EXOC6: variants seen among roughly 807,000 people sequenced by gnomAD.
The protein encoded by EXOC6 is exocyst complex component 6, also known as SEC15-like 1.
EXOC6 carries 60 observed loss-of-function variants against 112.5 expected under a neutral mutation model. The observed-to-expected ratio is 0.53, with a 90% CI of 0.43 to 0.66. The LOEUF is 0.66. EXOC6 is among the 30% of genes least tolerant of loss of function. The pLI is 0.00. For synonymous variants in EXOC6, 295 were observed against 308.0 expected, an observed-to-expected ratio of 0.96 and a Z score of 0.44; for missense variants, 855 against 957.1, an observed-to-expected ratio of 0.89 and a Z score of 1.41.
chr10:92,874,160 AG>A (rs773397018), intron 1 of EXOC6, among the ~76,000 whole-genome samples: 5 of 152,142 alleles, frequency 3.3e-5, no homozygotes, highest in Admixed American at 6.6e-5. Context: ...CTGTAGCTAC[AG>A]GCTATAGCAT....
rs369361243 is a variant in EXOC6 at position 92,838,631 on chromosome 10, T to C, written c.86+3807T>C. On this transcript the variant is annotated intron_variant, in intron 1 of 21. Coordinates refer to the EXOC6 transcript ENST00000371552. ...ATCTCAGCCAACTATAGAGTTTGAATTGGGGAAGAAAATACCACGGTGGAA... is the reference window on the plus strand; with the variant it reads ...ATCTCAGCCAACTATAGAGTTTGAACTGGGGAAGAAAATACCACGGTGGAA... Among the ~76,000 whole-genome samples the C allele has an allele frequency of 5.4e-3, 823 of 152,288 alleles. 3 individuals are homozygous for C. Among genetic ancestry groups the C allele is most frequent in the Non-Finnish European group, 8.3e-3 (566 of 68,016 alleles).
chr10:92,934,443 A>G lies in EXOC6; in HGVS notation c.1140+13A>G, dbSNP rs1383054586. The G allele has an allele frequency of 2.0e-6, 3 of 1,533,688 alleles. No individual in the cohort carries two copies. The highest frequency in any genetic ancestry group is 2.3e-5 in the Admixed American group (1 of 43,140). ...TAGAGCTCATTCAGTAAGTCAGACA[A>G]TTTACATTACTAAAATTTTAATTCA... is the stretch of plus-strand genomic sequence containing the variant. On this transcript the variant is annotated intron_variant, in intron 11 of 21. Coordinates refer to ENST00000260762, the MANE Select transcript of EXOC6 (RefSeq NM_019053.6).
chr10:92,893,923 T>G (rs930998909), intron 2 of EXOC6, among the ~76,000 whole-genome samples: 2 of 152,238 alleles, frequency 1.3e-5, no homozygotes, highest in Non-Finnish European at 2.9e-5. Context: ...TTAAAACTTT[T>G]TGAAAAGTTT....
intron 1 of EXOC6, among the ~76,000 whole-genome samples, chr10:92,852,723 C>T (rs1368381338): frequency 1.3e-5 from 2 of 152,054 alleles, no homozygotes; most frequent in Non-Finnish European, 2.9e-5. Context: ...ATATTAATTC[C>T]TGATTTTAAA....
chr10:92,964,510 CTAACTT>C (rs1034122840), intron 17 of EXOC6, among the ~76,000 whole-genome samples: 175 of 152,206 alleles, frequency 1.1e-3, no homozygotes, highest in African/African-American at 4.1e-3. Context: ...GGTGATAGCT[CTAACTT>C]TATCTATTGC....
Position 93,058,875 on chromosome 10 carries a change from G to A in EXOC6, c.*520G>A, listed in dbSNP as rs1846662060. 1 of 152,170 alleles carries A rather than the reference G, an allele frequency of 6.6e-6. No individual in the cohort carries two copies. Among genetic ancestry groups the A allele is most frequent in the Admixed American group, 6.5e-5 (1 of 15,278 alleles). 9.4% of individuals were successfully genotyped at this position (152,170 alleles called of 1,614,324 possible). ...GGGAAATAGACAAATCTTAAAAGCT[G>A]CCTGAAATCAAACTTGATTTAACTC... On this transcript the variant is annotated 3_prime_UTR_variant, in exon 22 of 22. Transcript: ENST00000260762.
chr10:92,985,981 A>G (rs537136100), intron 18 of EXOC6, among the ~76,000 whole-genome samples: 5 of 152,154 alleles, frequency 3.3e-5, no homozygotes, highest in Admixed American at 3.3e-4. Flanking sequence ...TATATTGTAT[A>G]TATATATATA....
chr10:92,948,231 T>C, intron 13 of EXOC6, 43 bp from the exon 14 acceptor site: 6 of 1,282,580 alleles, frequency 4.7e-6, no homozygotes, highest in Non-Finnish European at 6.7e-6. Flanking sequence ...ACTCTAATAA[T>C]ATGCTTTGTA....
intron 4 of EXOC6, among the ~76,000 whole-genome samples, chr10:92,899,378 T>C (rs990819995): frequency 1.6e-4 from 24 of 152,294 alleles, no homozygotes; most frequent in African/African-American, 5.8e-4. Context: ...TATATGTATA[T>C]ATGTGTGTGT....
intron 5 of EXOC6, among the ~76,000 whole-genome samples, chr10:92,902,762 C>A (rs11187209): frequency 6.6e-6 from 1 of 151,934 alleles, no homozygotes; most frequent in Non-Finnish European, 1.5e-5. Context: ...ATACCTCCTT[C>A]CAATTTCTCC....
chr10:93,046,705 C>A (rs1220141221), intron 20 of EXOC6, among the ~76,000 whole-genome samples: 2 of 151,872 alleles, frequency 1.3e-5, no homozygotes, highest in Non-Finnish European at 2.9e-5. Flanking sequence ...TCAAGCAATT[C>A]TCCTGCCTCA....
At chr10:92,952,917 C>G (rs1233462287) in intron 15 of EXOC6, among the ~76,000 whole-genome samples, 2 of 152,040 alleles carry the variant, frequency 1.3e-5, no homozygotes, top group African/African-American at 4.8e-5. Flanking sequence ...CCATAGACAC[C>G]TAGGTTGATT....
At chr10:92,953,804 A>G (rs982247844) in intron 15 of EXOC6, among the ~76,000 whole-genome samples, 1 of 152,218 alleles carries the variant, frequency 6.6e-6, no homozygotes, top group Non-Finnish European at 1.5e-5. Flanking sequence ...ATGTTAAGAA[A>G]CATCATATTA....
intron 4 of EXOC6, among the ~76,000 whole-genome samples, chr10:92,896,243 G>A: frequency 8.6e-6 from 1 of 115,906 alleles, no homozygotes; most frequent in Non-Finnish European, 1.7e-5. Context: ...TATCTCCCAG[G>A]CTGGAGTGCA....
At chr10:92,989,504 C>A (rs1326916748) in intron 18 of EXOC6, among the ~76,000 whole-genome samples, 1 of 152,210 alleles carries the variant, frequency 6.6e-6, no homozygotes, top group Non-Finnish European at 1.5e-5. Context: ...AAAACCACAG[C>A]TCTCTAGACT....
chr10:92,893,434 G>A lies in EXOC6; in HGVS notation c.187G>A (p.Glu63Lys). 1 of 1,613,096 alleles carries A rather than the reference G, an allele frequency of 6.2e-7. No individual in the cohort carries two copies. The highest frequency in any genetic ancestry group is 8.5e-7 in the Non-Finnish European group (1 of 1,179,400). ...TATCCGTAATCATGACAAGGAAATT[G>A]AAAAGATGTGTAATTTTCATCATCA... Reference protein sequence around the residue: ...ACIRNHDKEIEKMCNFHHQGF... With the variant: ...ACIRNHDKEIKKMCNFHHQGF... The change falls in exon 2 of 22, where the codon GAA becomes AAA. Residue 63 changes from glutamate (E) to lysine (K), a missense_variant. This residue lies in a region of EXOC6 where 405 missense variants were observed against 393.6 expected (regional missense o/e 1.03). Transcript: ENST00000260762.
chr10:92,858,022 T>TTC lies in EXOC6; in HGVS notation c.101+9388_101+9389insTC, dbSNP rs1554882161. On this transcript the variant is annotated intron_variant, in intron 1 of 21. Transcript: ENST00000260762. Reference sequence around the variant, plus strand: ...TATGTAAGATTTTTAGTTGACGGGTTCCCCCCCTCCGCCGGCCAGCAGTTT... The same window carrying TTC: ...TATGTAAGATTTTTAGTTGACGGGTTTCCCCCCCCTCCGCCGGCCAGCAGTTT... 4.1e-4 allele frequency among the ~76,000 whole-genome samples: 41 copies of TTC among 101,222 alleles called. No individual in the cohort carries two copies. In the East Asian group the frequency reaches 4.4e-3, roughly 11 times the overall value. The allele number at this position is 101,222 out of a possible 152,430, so 66.4% of individuals were successfully genotyped here.
At chr10:92,881,914 C>T (rs1278477019) in intron 1 of EXOC6, among the ~76,000 whole-genome samples, 2 of 152,152 alleles carry the variant, frequency 1.3e-5, no homozygotes, top group Non-Finnish European at 2.9e-5. Context: ...ACGTTGGCCT[C>T]TTCTTCCACC....
At chr10:92,870,922 A>C (rs891853193) in intron 1 of EXOC6, among the ~76,000 whole-genome samples, 4 of 151,990 alleles carry the variant, frequency 2.6e-5, no homozygotes, top group Non-Finnish European at 4.4e-5. Context: ...GTTGGCCAGA[A>C]TGGTCTCGAT....
Sources: gnomAD v4.1 joint callset for allele counts (sites outside exome capture counted in the v4.1 genomes callset) on GRCh38, gnomAD v4.1.1 for gene constraint, gnomAD v4.1.1 regional missense constraint, MANE v1.5 for transcripts, NCBI Gene and HGNC (gene_info 2026-07-23, HGNC 2026-07-21) for gene names.